The following PDGFC variants were observed in gnomAD, a reference collection of about 807,000 sequenced individuals.
PDGFC encodes platelet derived growth factor C, also known as platelet-derived growth factor C.
Under a neutral mutation model 35.5 loss-of-function variants are expected in PDGFC, and 12 were observed. That is an observed-to-expected ratio of 0.34 (90% CI 0.22 to 0.55). The LOEUF is 0.55. Ranked by LOEUF, PDGFC falls within the 20% of genes least tolerant of loss-of-function variation. PDGFC has a pLI of 0.91. For missense variants in PDGFC, 322 were observed against 412.4 expected, an observed-to-expected ratio of 0.78 and a Z score of 1.90; for synonymous variants, 159 against 148.8, an observed-to-expected ratio of 1.07 and a Z score of -0.50.
chr4:156,958,094 T>G (rs1359757388), intron 1 of PDGFC, among the ~76,000 whole-genome samples: 1 of 152,044 alleles, frequency 6.6e-6, no homozygotes, highest in Non-Finnish European at 1.5e-5. Flanking sequence ...ATACTATCGC[T>G]TTTTATTCTC....
At chr4:156,840,717 G>C (rs1440519941) in intron 2 of PDGFC, among the ~76,000 whole-genome samples, 2 of 152,142 alleles carry the variant, frequency 1.3e-5, no homozygotes, top group Non-Finnish European at 2.9e-5. Context: ...GCTGAGAGTG[G>C]GGCTGTACCC....
chr4:156,865,955 T>A (rs342319), intron 1 of PDGFC, among the ~76,000 whole-genome samples: 15,666 of 152,134 alleles, frequency 0.1, 1,032 homozygotes, highest in African/African-American at 0.18. Context: ...TACTTTTTTT[T>A]AAATTTTATT....
At chr4:156,947,965 TAGTCTCAATA>T (rs1731986436) in intron 1 of PDGFC, among the ~76,000 whole-genome samples, 1 of 151,884 alleles carries the variant, frequency 6.6e-6, no homozygotes, top group African/African-American at 2.4e-5. Context: ...CTCGATCTGC[TAGTCTCAATA>T]AGTGTGAATA....
chr4:156,940,202 T>C (rs1393512098), intron 1 of PDGFC, among the ~76,000 whole-genome samples: 1 of 152,152 alleles, frequency 6.6e-6, no homozygotes, highest in Admixed American at 6.5e-5. Context: ...AATTTCAAGA[T>C]CAGCCTTTCC....
intron 2 of PDGFC, among the ~76,000 whole-genome samples, chr4:156,817,749 C>T (rs1201631501): frequency 6.6e-6 from 1 of 151,904 alleles, no homozygotes; most frequent in African/African-American, 2.4e-5. Flanking sequence ...AGCTATCCTC[C>T]CCATTAAATT....
chr4:156,953,304 A>C (rs1180630659), intron 1 of PDGFC, among the ~76,000 whole-genome samples: 1 of 151,956 alleles, frequency 6.6e-6, no homozygotes, highest in East Asian at 1.9e-4. Context: ...CAAATCAAAC[A>C]GCCAACTTAC....
At chr4:156,944,236 G>GT (rs1158183335) in intron 1 of PDGFC, among the ~76,000 whole-genome samples, 1 of 152,088 alleles carries the variant, frequency 6.6e-6, no homozygotes. Flanking sequence ...ATCATTAAAG[G>GT]TATCAATATG....
intron 1 of PDGFC, among the ~76,000 whole-genome samples, chr4:156,969,609 AC>A (rs1182205591): frequency 3.3e-5 from 5 of 152,166 alleles, no homozygotes; most frequent in African/African-American, 1.2e-4. Context: ...GTCTTGAAAC[AC>A]CCCAATATGA....
At chr4:156,879,600 T>G (rs1730194768) in intron 1 of PDGFC, among the ~76,000 whole-genome samples, 1 of 152,150 alleles carries the variant, frequency 6.6e-6, no homozygotes, top group Admixed American at 6.5e-5. Context: ...GTTTAAATCT[T>G]TATACAAACA....
At chr4:156,843,069 G>A (rs991018485) in intron 2 of PDGFC, among the ~76,000 whole-genome samples, 1 of 152,154 alleles carries the variant, frequency 6.6e-6, no homozygotes, top group Non-Finnish European at 1.5e-5. Context: ...TGGTTCGAAT[G>A]TTTGTGTCCT....
At chr4:156,772,524 T>C (rs1730718340) in intron 4 of PDGFC, among the ~76,000 whole-genome samples, 162 bp downstream of exon 4, 1 of 152,210 alleles carries the variant, frequency 6.6e-6, no homozygotes, top group Admixed American at 6.5e-5. Flanking sequence ...CTTTTGTATA[T>C]ATTATTATTC....
rs144033604 is a variant in PDGFC at position 156,955,371 on chromosome 4, G to A, written c.118+15415C>T. On this transcript the variant is annotated intron_variant, in intron 1 of 5. Transcript: ENST00000502773. The stretch of plus-strand genomic sequence containing the variant: ...ATTATATATTTGAAACTTGTTTAGA[G>A]AGTAGGTCTTAAATGTTTTCACCAC... Among the ~76,000 whole-genome samples, 1,208 of 152,028 alleles carry A rather than the reference G, an allele frequency of 7.9e-3. 9 individuals are homozygous for A. The highest frequency in any genetic ancestry group is 0.012 in the Admixed American group (186 of 15,254).
chr4:156,774,211 T>G (rs1049627709), intron 3 of PDGFC, among the ~76,000 whole-genome samples: 3 of 152,176 alleles, frequency 2.0e-5, no homozygotes, highest in Admixed American at 2.0e-4. Flanking sequence ...TCTAATCTGC[T>G]ACTCATCAGA....
At chr4:156,902,138 T>C (rs949038040) in intron 1 of PDGFC, among the ~76,000 whole-genome samples, 5 of 152,208 alleles carry the variant, frequency 3.3e-5, no homozygotes, top group Admixed American at 6.5e-5. Context: ...ACACAGAAGA[T>C]ACTTTGCAAT....
At chr4:156,789,076 G>A (rs1363955110) in intron 3 of PDGFC, among the ~76,000 whole-genome samples, 2 of 152,152 alleles carry the variant, frequency 1.3e-5, no homozygotes, top group Admixed American at 1.3e-4. Context: ...GGACAAAGCA[G>A]TTTCTAAGTG....
chr4:156,841,559 T>G (rs1579048729), intron 2 of PDGFC: 1 of 151,272 alleles, frequency 6.6e-6, no homozygotes, highest in Non-Finnish European at 1.5e-5. Flanking sequence ...CAGGCTGGAG[T>G]GCAGTGGCAC....
intron 3 of PDGFC, among the ~76,000 whole-genome samples, chr4:156,785,813 CAA>C (rs1731108437): frequency 6.6e-6 from 1 of 152,126 alleles, no homozygotes; most frequent in Non-Finnish European, 1.5e-5. Context: ...TCAGGAGGTG[CAA>C]AGTCACAGTG....
At chr4:156,783,509 C>A (rs1731036238) in intron 3 of PDGFC, among the ~76,000 whole-genome samples, 1 of 152,018 alleles carries the variant, frequency 6.6e-6, no homozygotes, top group Admixed American at 6.6e-5. Flanking sequence ...GCTTTTATTG[C>A]CTTGTCACAT....
rs145957825 is a variant in PDGFC at position 156,917,855 on chromosome 4, A to G, written c.118+52931T>C. ...TAAATAATAATCTTTTATTTTCATT[A>G]GATGTTCAAGTAGGTTCATACTCTA... On this transcript the variant is annotated intron_variant, in intron 1 of 5. Coordinates refer to ENST00000502773, the MANE Select transcript of PDGFC (RefSeq NM_016205.3). Among the ~76,000 whole-genome samples, 798 of 152,336 alleles carry G rather than the reference A, an allele frequency of 5.2e-3. 2 individuals carry two copies. Among genetic ancestry groups the G allele is most frequent in the African/African-American group, 0.018 (745 of 41,568 alleles).
Sources: allele counts gnomAD v4.1 joint callset (sites outside exome capture counted in the v4.1 genomes callset), GRCh38; gene constraint gnomAD v4.1.1; transcripts MANE v1.5; gene names NCBI Gene and HGNC (gene_info 2026-07-23, HGNC 2026-07-21).